Variants in GPC5 observed in about 807,000 individuals in gnomAD.
The protein encoded by GPC5 is glypican-5.
GPC5 carries 47 observed loss-of-function variants against 53.9 expected under a neutral mutation model. That is an observed-to-expected ratio of 0.87 (90% CI 0.69 to 1.11). The LOEUF (loss-of-function observed/expected upper bound fraction) is 1.11. Among genes scored for constraint, GPC5 ranks in the 50% most tolerant of loss-of-function variants. GPC5 has a pLI of 0.00. For missense variants in GPC5, 748 were observed against 713.1 expected, an observed-to-expected ratio of 1.05 and a Z score of -0.56; for synonymous variants, 286 against 263.3, an observed-to-expected ratio of 1.09 and a Z score of -0.84.
chr13:92,276,419 T>C lies in GPC5; in HGVS notation c.1561+131430T>C, dbSNP rs201812012. 7.2e-5 allele frequency among the ~76,000 whole-genome samples: 11 copies of C among 152,230 alleles called. No homozygotes were observed. In the East Asian group the frequency reaches 2.1e-3, roughly 29 times the overall value. ...CTATCTCAGTTTTTCCTTCAAAAGCTAATGTATTCTTTGACGAGACTATTA... is the reference window on the plus strand; with the variant it reads ...CTATCTCAGTTTTTCCTTCAAAAGCCAATGTATTCTTTGACGAGACTATTA... On this transcript the variant is annotated intron_variant, in intron 7 of 7. Coordinates refer to ENST00000377067, the MANE Select transcript of GPC5 (RefSeq NM_004466.6).
At chr13:92,002,715 A>G (rs2040566413) in intron 6 of GPC5, among the ~76,000 whole-genome samples, 1 of 152,226 alleles carries the variant, frequency 6.6e-6, no homozygotes, top group Non-Finnish European at 1.5e-5. Context: ...TATAAAGTGA[A>G]CAACAACCAA....
intron 2 of GPC5, among the ~76,000 whole-genome samples, chr13:91,600,396 G>T (rs953761674): frequency 4.6e-5 from 7 of 151,260 alleles, no homozygotes; most frequent in African/African-American, 1.7e-4. Flanking sequence ...GACATGGCTG[G>T]GCACAGTATA....
At chr13:92,420,405 T>A (rs967809660) in intron 7 of GPC5, among the ~76,000 whole-genome samples, 1 of 152,168 alleles carries the variant, frequency 6.6e-6, no homozygotes, top group Non-Finnish European at 1.5e-5. Flanking sequence ...ACATGGTACA[T>A]GCTTTGTACC....
intron 7 of GPC5, among the ~76,000 whole-genome samples, chr13:92,287,358 A>C (rs12856694): frequency 0.085 from 13,002 of 152,138 alleles, 614 homozygotes; most frequent in Middle Eastern, 0.12. Context: ...GTGTTCTTTA[A>C]GTGTCTGTAA....
At chr13:92,450,957 C>A (rs1878037891) in intron 7 of GPC5, among the ~76,000 whole-genome samples, 1 of 152,136 alleles carries the variant, frequency 6.6e-6, no homozygotes. Flanking sequence ...CAGTTCCTGG[C>A]ACAGAGGAAG....
intron 7 of GPC5, among the ~76,000 whole-genome samples, chr13:92,170,748 CTATT>C (rs1445175686): frequency 6.6e-6 from 1 of 152,038 alleles, no homozygotes. Flanking sequence ...CTATTATAGA[CTATT>C]TAACTACCAA....
intron 6 of GPC5, among the ~76,000 whole-genome samples, chr13:92,125,974 G>T (rs1594773516): frequency 3.2e-5 from 2 of 62,850 alleles, no homozygotes; most frequent in Non-Finnish European, 2.5e-5. Context: ...TTTTTTTTTT[G>T]AGATGAGTCT....
chr13:92,760,299 T>C (rs1390921797), intron 7 of GPC5, among the ~76,000 whole-genome samples: 1 of 152,148 alleles, frequency 6.6e-6, no homozygotes, highest in Non-Finnish European at 1.5e-5. Flanking sequence ...TAGGCCCTAA[T>C]GCCATTTGAT....
chr13:92,748,805 A>G (rs1357425810), intron 7 of GPC5, among the ~76,000 whole-genome samples: 2 of 152,126 alleles, frequency 1.3e-5, no homozygotes, highest in Non-Finnish European at 2.9e-5. Flanking sequence ...ATATGATACA[A>G]TTTTAAGCAC....
rs114381323 is a variant in GPC5 at position 92,138,628 on chromosome 13, C to T, written c.1402-6202C>T. On this transcript the variant is annotated intron_variant, in intron 6 of 7. Transcript: ENST00000377067. The stretch of plus-strand genomic sequence containing the variant: ...ATTTGTGTATGTTCGCTTAAGGGTG[C>T]ATATATGGAAACCCTTTGTTGTTAT... Among the ~76,000 whole-genome samples the T allele has an allele frequency of 9.1e-3, 1,381 of 152,122 alleles. 21 individuals carry two copies. Among genetic ancestry groups the T allele is most frequent in the African/African-American group, 0.031 (1,300 of 41,490 alleles).
intron 5 of GPC5, among the ~76,000 whole-genome samples, chr13:91,855,322 C>G (rs939102722): frequency 2.0e-5 from 3 of 151,542 alleles, no homozygotes; most frequent in African/African-American, 7.3e-5. Flanking sequence ...ATCTAAGCAA[C>G]GAAATTTTGT....
At chr13:92,490,508 A>C (rs2139446669) in intron 7 of GPC5, among the ~76,000 whole-genome samples, 1 of 152,256 alleles carries the variant, frequency 6.6e-6, no homozygotes, top group African/African-American at 2.4e-5. Flanking sequence ...GAGGTGGAAG[A>C]CTGGCTCTAC....
chr13:92,739,546 G>A (rs1372704656), intron 7 of GPC5, among the ~76,000 whole-genome samples: 1 of 151,914 alleles, frequency 6.6e-6, no homozygotes, highest in Non-Finnish European at 1.5e-5. Context: ...TCTGGTTTCT[G>A]TGTTTCTTTG....
chr13:91,458,379 A>G (rs914986191), intron 2 of GPC5, among the ~76,000 whole-genome samples: 47 of 152,138 alleles, frequency 3.1e-4, no homozygotes, highest in African/African-American at 1.1e-3. Flanking sequence ...CCCACAGCCA[A>G]CATTATATTG....
chr13:92,573,961 G>T (rs539395928), intron 7 of GPC5, among the ~76,000 whole-genome samples: 22 of 152,278 alleles, frequency 1.4e-4, no homozygotes, highest in African/African-American at 5.1e-4. Flanking sequence ...CCGTCATCCA[G>T]TGAACAGCAA....
At chr13:92,139,956 G>A (rs992026320) in intron 6 of GPC5, among the ~76,000 whole-genome samples, 1 of 152,186 alleles carries the variant, frequency 6.6e-6, no homozygotes, top group Non-Finnish European at 1.5e-5. Context: ...GAAGGTGATG[G>A]AAAGCAGGTT....
chr13:92,062,484 C>T (rs2041132552), intron 6 of GPC5, among the ~76,000 whole-genome samples: 1 of 151,794 alleles, frequency 6.6e-6, no homozygotes, highest in African/African-American at 2.4e-5. Flanking sequence ...TATGTAGTAA[C>T]AAGAAATTTT....
intron 3 of GPC5, among the ~76,000 whole-genome samples, chr13:91,713,616 C>G (rs1027659167): frequency 9.9e-5 from 15 of 152,102 alleles, no homozygotes; most frequent in Non-Finnish European, 1.9e-4. Context: ...TTATATGTAT[C>G]CAAGAAATCT....
intron 1 of GPC5, among the ~76,000 whole-genome samples, chr13:91,405,095 T>G (rs1353925849): frequency 6.6e-6 from 1 of 152,252 alleles, no homozygotes; most frequent in Non-Finnish European, 1.5e-5. Context: ...TCCAGTATTC[T>G]CTACCATAAA....
Sources: allele counts gnomAD v4.1 joint callset (sites outside exome capture counted in the v4.1 genomes callset), GRCh38; gene constraint gnomAD v4.1.1; transcripts MANE v1.5; gene names NCBI Gene and HGNC (gene_info 2026-07-23, HGNC 2026-07-21).